The following KHDRBS2 variants were observed in gnomAD, a reference collection of about 807,000 sequenced individuals.
KHDRBS2 encodes KH domain-containing, RNA-binding, signal transduction-associated protein 2.
KHDRBS2 carries 26 observed loss-of-function variants against 44.3 expected under a neutral mutation model. The ratio of observed to expected loss-of-function variants is 0.59; its 90% CI spans 0.43 to 0.81. KHDRBS2 has a LOEUF of 0.81. Among genes scored for constraint, KHDRBS2 ranks in the 40% least tolerant of loss-of-function variants. The probability of loss-of-function intolerance (pLI) is 0.00; values close to 1 mark genes in which losing one functional copy is unlikely to be tolerated. For missense variants in KHDRBS2, 476 were observed against 433.1 expected, an observed-to-expected ratio of 1.10 and a Z score of -0.88; for synonymous variants, 194 against 151.1, an observed-to-expected ratio of 1.28 and a Z score of -2.08.
intron 8 of KHDRBS2, among the ~76,000 whole-genome samples, chr6:61,684,977 C>G (rs1344919467): frequency 6.6e-6 from 1 of 151,328 alleles, no homozygotes; most frequent in African/African-American, 2.4e-5. Flanking sequence ...CTCCTATATG[C>G]CAGTTACTAT....
In KHDRBS2 at chr6:61,961,092, G is replaced by A. The variant is rs543503153; in HGVS notation, c.483+16974C>T. 3.3e-5 allele frequency among the ~76,000 whole-genome samples: 5 copies of A among 152,214 alleles called. No individual in the cohort carries two copies. In the East Asian group the frequency reaches 9.7e-4, roughly 29 times the overall value. ...TGTATGGATAAAGAGAAACTTGAGA[G>A]AAATTTTCCTTATGAGATCCCAAGA... On this transcript the variant is annotated intron_variant, in intron 4 of 8. Coordinates refer to ENST00000281156, the MANE Select transcript of KHDRBS2 (RefSeq NM_152688.4).
At chr6:62,087,217 T>C (rs1353652531) in intron 2 of KHDRBS2, among the ~76,000 whole-genome samples, 1 of 151,968 alleles carries the variant, frequency 6.6e-6, no homozygotes, top group Non-Finnish European at 1.5e-5. Context: ...CCACAAACAA[T>C]GAAAGCATAC....
At chr6:62,161,504 C>A (rs1817612849) in intron 2 of KHDRBS2, among the ~76,000 whole-genome samples, 1 of 131,800 alleles carries the variant, frequency 7.6e-6, no homozygotes, top group Non-Finnish European at 1.5e-5. Flanking sequence ...GTGAGAATTG[C>A]ATAGGTTGTA....
At chr6:61,551,423 G>T in the KHDRBS2 span, among the ~76,000 whole-genome samples, 1 of 152,026 alleles carries the variant, frequency 6.6e-6, no homozygotes, top group Non-Finnish European at 1.5e-5. Flanking sequence ...TGGCATCATT[G>T]TCATGAAATC....
intron 1 of KHDRBS2, among the ~76,000 whole-genome samples, chr6:62,264,079 C>T (rs772038446): frequency 1.3e-5 from 2 of 151,640 alleles, no homozygotes; most frequent in Non-Finnish European, 3.0e-5. Context: ...CTGCCTTTAT[C>T]TGACATGTAA....
the KHDRBS2 span, among the ~76,000 whole-genome samples, chr6:61,615,404 T>C: frequency 6.6e-6 from 1 of 152,134 alleles, no homozygotes; most frequent in Non-Finnish European, 1.5e-5. Context: ...TTTTCTGTTC[T>C]TTGCTCACTT....
intron 4 of KHDRBS2, among the ~76,000 whole-genome samples, chr6:61,954,889 TATACACATAC>T (rs1210615588): frequency 8.3e-5 from 12 of 145,166 alleles, no homozygotes; most frequent in African/African-American, 2.5e-4. Context: ...TATATGTATA[TATACACATAC>T]ATATGTGTGC....
chr6:61,788,216 C>T (rs2127584119), intron 6 of KHDRBS2, among the ~76,000 whole-genome samples: 1 of 151,552 alleles, frequency 6.6e-6, no homozygotes, highest in Non-Finnish European at 1.5e-5. Flanking sequence ...ATCTAAAATA[C>T]TATTGTGTTT....
At position 62,286,085 on chromosome 6, in the gene KHDRBS2, C is replaced by G. The variant is rs1377710483; in HGVS notation, c.-137G>C. The G allele has an allele frequency of 9.5e-6, 6 of 631,058 alleles. No individual in the cohort carries two copies. Among genetic ancestry groups the G allele is most frequent in the African/African-American group, 3.8e-5 (2 of 52,838 alleles). 39.1% of individuals were successfully genotyped at this position (631,058 alleles called of 1,614,324 possible). A position where few individuals can be genotyped will look rare whatever the true frequency, so the allele number is the denominator to read the frequency against. On this transcript the variant is annotated 5_prime_UTR_variant, in exon 1 of 9. Coordinates refer to ENST00000281156, the MANE Select transcript of KHDRBS2 (RefSeq NM_152688.4). ...AGGGATCTCTGTGCGTCCTCACTGG[C>G]CCATGCACCCAGCACCTGCGACTCC...
the KHDRBS2 span, among the ~76,000 whole-genome samples, chr6:61,632,265 A>ATACTT: frequency 6.6e-6 from 1 of 152,184 alleles, no homozygotes; most frequent in African/African-American, 2.4e-5. Context: ...GTGATATGTG[A>ATACTT]TACTTTAGAA....
chr6:61,883,430 T>C (rs1420374233), intron 6 of KHDRBS2, among the ~76,000 whole-genome samples: 1 of 152,036 alleles, frequency 6.6e-6, no homozygotes, highest in Non-Finnish European at 1.5e-5. Flanking sequence ...TTTTCATCCT[T>C]GTAAGTGTTA....
intron 4 of KHDRBS2, among the ~76,000 whole-genome samples, chr6:61,916,893 T>C (rs1303804883): frequency 1.3e-5 from 2 of 151,320 alleles, no homozygotes; most frequent in Non-Finnish European, 2.9e-5. Context: ...TATGTACTTA[T>C]TAGAATACGG....
the KHDRBS2 span, among the ~76,000 whole-genome samples, chr6:61,588,349 C>T: frequency 6.6e-6 from 1 of 152,202 alleles, no homozygotes; most frequent in Non-Finnish European, 1.5e-5. Flanking sequence ...CCTCTACCTT[C>T]TCCTCTTTTG....
At chr6:61,818,153 C>A (rs1251109223) in intron 6 of KHDRBS2, among the ~76,000 whole-genome samples, 2 of 151,618 alleles carry the variant, frequency 1.3e-5, no homozygotes, top group Non-Finnish European at 2.9e-5. Flanking sequence ...AGATGCAACT[C>A]TACTGTTCTT....
At chr6:61,793,939 T>C (rs1784973111) in intron 6 of KHDRBS2, among the ~76,000 whole-genome samples, 1 of 152,272 alleles carries the variant, frequency 6.6e-6, no homozygotes, top group Middle Eastern at 3.4e-3. Context: ...CAGATGGCAA[T>C]GGGCTATGGC....
At chr6:61,598,191 C>T in the KHDRBS2 span, among the ~76,000 whole-genome samples, 1 of 150,708 alleles carries the variant, frequency 6.6e-6, no homozygotes, top group African/African-American at 2.4e-5. Flanking sequence ...CTGTCAGGCT[C>T]AATATAGGAA....
At chr6:61,734,823 T>C (rs2127561556) in intron 6 of KHDRBS2, among the ~76,000 whole-genome samples, 1 of 152,324 alleles carries the variant, frequency 6.6e-6, no homozygotes. Flanking sequence ...GTAATATTTC[T>C]AAGATTCAAA....
Position 61,688,758 on chromosome 6 carries a change from C to G in KHDRBS2, c.953-7698G>C, listed in dbSNP as rs554945835. Among the ~76,000 whole-genome samples, 6 of 152,016 alleles carry G rather than the reference C, an allele frequency of 3.9e-5. No homozygotes were observed. In the East Asian group the frequency reaches 1.2e-3, roughly 30 times the overall value. On this transcript the variant is annotated intron_variant, in intron 8 of 8. Transcript: ENST00000281156. Reference sequence around the variant, plus strand: ...GTGTTTATACCACAGTGTGCCTTTCCCTGCTTTTCCAGGTTGATAAATTGG... The same window carrying G: ...GTGTTTATACCACAGTGTGCCTTTCGCTGCTTTTCCAGGTTGATAAATTGG...
At position 62,085,230 on chromosome 6, in the gene KHDRBS2, T is replaced by A. The variant is rs1008583792; in HGVS notation, c.220-37236A>T. Among the ~76,000 whole-genome samples, 3 of 152,108 alleles carry A rather than the reference T, an allele frequency of 2.0e-5. 1 individual carries two copies. In the South Asian group the frequency reaches 6.2e-4, roughly 32 times the overall value. On this transcript the variant is annotated intron_variant, in intron 2 of 8. Transcript: ENST00000281156. The stretch of plus-strand genomic sequence containing the variant: ...ACAAAACATGGTGAAGCTAGCTAGA[T>A]GAAACTGTTGGCAAGGTTAGATGAA...
Sources: gnomAD v4.1 joint callset for allele counts (sites outside exome capture counted in the v4.1 genomes callset) on GRCh38, gnomAD v4.1.1 for gene constraint, MANE v1.5 for transcripts, NCBI Gene and HGNC (gene_info 2026-07-23, HGNC 2026-07-21) for gene names.